DIAPH2: variants seen among roughly 807,000 people sequenced by gnomAD.
DIAPH2 encodes the protein diaphanous related formin 2, also known as protein diaphanous homolog 2.
In DIAPH2, 35 loss-of-function variants were observed where a neutral mutation model predicts 92.7. The observed-to-expected ratio is 0.38, with a 90% CI of 0.29 to 0.50. DIAPH2 has a LOEUF of 0.50. DIAPH2 is among the 20% of genes least tolerant of loss of function. The pLI, the probability that DIAPH2 is intolerant of heterozygous loss-of-function variation, is 0.94. For missense variants in DIAPH2, 701 were observed against 819.5 expected (o/e 0.86, Z 1.77); for synonymous variants, 301 against 280.4 (o/e 1.07, Z -0.73).
chrX:96,962,827 CGTT>C (rs1227286659), intron 16 of DIAPH2, among the ~76,000 whole-genome samples: 1 of 109,567 alleles, frequency 9.1e-6, no homozygotes, highest in African/African-American at 3.3e-5. Context: ...TTTGTGTATC[CGTT>C]GTTTTTTTCT....
At chrX:97,506,138 CTTTTTTTTTTTTTTT>C (rs11385451) in intron 26 of DIAPH2, among the ~76,000 whole-genome samples, 10 of 28,110 alleles carry the variant, frequency 3.6e-4, no homozygotes, top group Non-Finnish European at 5.7e-5. Flanking sequence ...TATCTAGTGC[CTTTTTTTTTTTTTTT>C]TTTTTTTTTT....
rs149746623 is a variant in DIAPH2, at chrX:96,980,475, G to C, written c.2050+15268G>C. On this transcript the variant is annotated intron_variant, in intron 17 of 26. Transcript: ENST00000324765. ...GGAACCTAGGGTTTTTATGGGTACA[G>C]GATGGGGGGCAGGGTGGGTCAGAGT... Among the ~76,000 whole-genome samples the C allele has an allele frequency of 6.1e-3, 679 of 110,754 alleles. 5 individuals are homozygous for C. Among genetic ancestry groups the C allele is most frequent in the African/African-American group, 0.021 (650 of 30,420 alleles).
intron 17 of DIAPH2, among the ~76,000 whole-genome samples, chrX:97,046,999 A>T (rs1432674548): frequency 1.8e-5 from 2 of 111,207 alleles, no homozygotes; most frequent in Non-Finnish European, 3.8e-5. Flanking sequence ...TCAGGAAAAG[A>T]TGGAGAAGTT....
chrX:97,589,268 G>A (rs1321963253), intron 26 of DIAPH2, among the ~76,000 whole-genome samples: 1 of 82,855 alleles, frequency 1.2e-5, no homozygotes, highest in Non-Finnish European at 2.2e-5. Flanking sequence ...AGTGAGCCAA[G>A]CTCGCACCAC....
Position 97,003,750 on chromosome X carries a change from TG to T in DIAPH2, c.2050+38546del, listed in dbSNP as rs774014001. ...TTCACAGATATTTCCTGCCATCCTG[TG>T]GGATGCTCTTTACTTTGCTGATTGT... On this transcript the variant is annotated intron_variant, in intron 17 of 26. Transcript: ENST00000324765. Among the ~76,000 whole-genome samples the T allele has an allele frequency of 8.0e-5, 9 of 111,874 alleles. No homozygotes were observed. In the East Asian group the frequency reaches 2.5e-3, roughly 31 times the overall value.
At chrX:96,979,759 A>C (rs1451832063) in intron 17 of DIAPH2, among the ~76,000 whole-genome samples, 1 of 112,556 alleles carries the variant, frequency 8.9e-6, no homozygotes, top group African/African-American at 3.2e-5. Context: ...AGACAAGTAC[A>C]ATAAGGTATG....
chrX:97,501,765 T>C (rs923346325), intron 26 of DIAPH2, among the ~76,000 whole-genome samples: 2 of 112,001 alleles, frequency 1.8e-5, no homozygotes, highest in East Asian at 5.5e-4. Flanking sequence ...TCACCTCTTA[T>C]GAAATTTTTG....
intron 4 of DIAPH2, among the ~76,000 whole-genome samples, chrX:96,824,297 C>A (rs2064798255): frequency 1.8e-5 from 2 of 110,929 alleles, no homozygotes; most frequent in African/African-American, 3.3e-5. Flanking sequence ...ACCAGACATT[C>A]AGAGTTGAAG....
rs202232924 is a variant in DIAPH2 at position 96,894,254 on chromosome X, G to GT, written c.587+12549dup. 6.0e-3 allele frequency among the ~76,000 whole-genome samples: 605 copies of GT among 101,274 alleles called. 2 individuals carry two copies. Among genetic ancestry groups the GT allele is most frequent in the Non-Finnish European group, 7.5e-3 (373 of 49,424 alleles). 87.9% of individuals were successfully genotyped at this position (101,274 alleles called of 115,157 possible). On this transcript the variant is annotated intron_variant, in intron 5 of 26. Transcript: ENST00000324765. The stretch of plus-strand genomic sequence containing the variant: ...TGCCTGAGTACTGAGTACTGCTACA[G>GT]TTTTTTTTTTTTTCTTTTATGTGGT...
intron 4 of DIAPH2, among the ~76,000 whole-genome samples, chrX:96,870,437 ATTTT>A (rs10600564): frequency 3.8e-5 from 3 of 79,687 alleles, no homozygotes; most frequent in African/African-American, 4.5e-5. Flanking sequence ...AATTTTTTGT[ATTTT>A]TTTTTTTTTT....
chrX:97,419,634 A>G lies in DIAPH2; in HGVS notation c.3146-10016A>G, dbSNP rs183878809. Among the ~76,000 whole-genome samples the G allele has an allele frequency of 6.8e-3, 763 of 111,740 alleles. 7 individuals carry two copies. Among genetic ancestry groups the G allele is most frequent in the African/African-American group, 0.024 (726 of 30,785 alleles). Reference sequence around the variant, plus strand: ...TCACTTCACAACTATGTGACCTTGAACAAGTTAATTCACCCAAATTACCCT... The same window carrying G: ...TCACTTCACAACTATGTGACCTTGAGCAAGTTAATTCACCCAAATTACCCT... On this transcript the variant is annotated intron_variant, in intron 25 of 26. Coordinates refer to ENST00000324765, the MANE Select transcript of DIAPH2 (RefSeq NM_006729.5).
intron 22 of DIAPH2, among the ~76,000 whole-genome samples, chrX:97,217,527 GT>G (rs2067892683): frequency 8.9e-6 from 1 of 111,967 alleles, no homozygotes. Flanking sequence ...ACTCTCCCAT[GT>G]TTCAGAAAGC....
chrX:96,826,331 C>T (rs1159974527), intron 4 of DIAPH2, among the ~76,000 whole-genome samples: 3 of 109,762 alleles, frequency 2.7e-5, no homozygotes, highest in Admixed American at 1.9e-4. Context: ...GCAGGAGAAT[C>T]GCTTGAACCC....
intron 1 of DIAPH2, among the ~76,000 whole-genome samples, chrX:96,731,207 A>T (rs942360028): frequency 9.0e-6 from 1 of 111,065 alleles, no homozygotes; most frequent in Non-Finnish European, 1.9e-5. Context: ...AGGGGATGCT[A>T]TGGCTTAGCT....
intron 23 of DIAPH2, among the ~76,000 whole-genome samples, chrX:97,270,914 G>T (rs1327972749): frequency 9.1e-6 from 1 of 110,444 alleles, no homozygotes; most frequent in Non-Finnish European, 1.9e-5. Flanking sequence ...ATTTATTTAT[G>T]GGGTGCCTAT....
At chrX:96,850,569 A>G (rs1053876355) in intron 4 of DIAPH2, among the ~76,000 whole-genome samples, 3 of 111,861 alleles carry the variant, frequency 2.7e-5, no homozygotes, top group Non-Finnish European at 5.6e-5. Context: ...ATTGTGTGAG[A>G]CTTTAAGAGA....
chrX:97,325,656 C>A (rs2068944410), intron 23 of DIAPH2, among the ~76,000 whole-genome samples: 1 of 110,227 alleles, frequency 9.1e-6, no homozygotes, highest in Non-Finnish European at 1.9e-5. Context: ...CGGCTCACTG[C>A]AAGCTCCGCG....
intron 19 of DIAPH2, chrX:97,081,840 T>A (rs1402236483): frequency 3.5e-5 from 3 of 84,947 alleles, no homozygotes; most frequent in Non-Finnish European, 7.0e-5. Context: ...AAAAAAAAAA[T>A]TGGCCGGGCG....
intron 4 of DIAPH2, among the ~76,000 whole-genome samples, chrX:96,767,901 ACTGT>A (rs1290163632): frequency 8.9e-6 from 1 of 112,294 alleles, no homozygotes; most frequent in Non-Finnish European, 1.9e-5. Flanking sequence ...TGGTATAGAT[ACTGT>A]CTGTGATGGG....
Sources: gnomAD v4.1 joint callset for allele counts (sites outside exome capture counted in the v4.1 genomes callset) on GRCh38, gnomAD v4.1.1 for gene constraint, MANE v1.5 for transcripts, NCBI Gene and HGNC (gene_info 2026-07-23, HGNC 2026-07-21) for gene names.